Variants in CDKL3 observed in about 807,000 individuals in gnomAD.
The protein encoded by CDKL3 is cyclin dependent kinase like 3.
In CDKL3, 65 loss-of-function variants were observed where a neutral mutation model predicts 69.3. The observed-to-expected ratio is 0.94, with a 90% CI of 0.77 to 1.15. The LOEUF is 1.15. CDKL3 is among the 50% of genes most tolerant of loss of function. The pLI, the probability that CDKL3 is intolerant of heterozygous loss-of-function variation, is 0.00. For missense variants in CDKL3, 652 were observed against 689.2 expected, an observed-to-expected ratio of 0.95 and a Z score of 0.61; for synonymous variants, 202 against 221.6, an observed-to-expected ratio of 0.91 and a Z score of 0.79.
chr5:134,334,187 G>T (rs1776487758), intron 4 of CDKL3, among the ~76,000 whole-genome samples: 1 of 151,960 alleles, frequency 6.6e-6, no homozygotes, highest in African/African-American at 2.4e-5. Flanking sequence ...GCATCTATTT[G>T]ATTCTTCTCT....
chr5:134,326,807 A>ATG (rs1774332332), intron 4 of CDKL3, among the ~76,000 whole-genome samples: 3 of 123,372 alleles, frequency 2.4e-5, no homozygotes, highest in Admixed American at 1.9e-4. Context: ...GTATATATAT[A>ATG]TATGTGTGTG....
Position 134,298,484 on chromosome 5 carries a change from A to C in CDKL3, c.*167T>G. Reference sequence around the variant, plus strand: ...AAATTATCACATCAACAGAGTCTTAAAAGGGAAAAGAAAACAGTAAATGTT... The same window carrying C: ...AAATTATCACATCAACAGAGTCTTACAAGGGAAAAGAAAACAGTAAATGTT... On this transcript the variant is annotated 3_prime_UTR_variant, in exon 13 of 13. Coordinates refer to ENST00000265334, the MANE Select transcript of CDKL3 (RefSeq NM_001113575.2). 1 of 1,409,220 alleles carries C rather than the reference A, an allele frequency of 7.1e-7. No homozygotes were observed. Among genetic ancestry groups the C allele is most frequent in the Non-Finnish European group, 9.2e-7 (1 of 1,086,980 alleles). 87.3% of individuals were successfully genotyped at this position (1,409,220 alleles called of 1,614,324 possible). A position where few individuals can be genotyped will look rare whatever the true frequency, so the allele number is the denominator to read the frequency against.
At chr5:134,311,432 G>A (rs887509239) in intron 7 of CDKL3, among the ~76,000 whole-genome samples, 4 of 152,048 alleles carry the variant, frequency 2.6e-5, no homozygotes, top group African/African-American at 9.7e-5. Context: ...TTGAACCCGG[G>A]AGATGGAGGT....
Position 134,308,191 on chromosome 5 carries a change from G to C in CDKL3, c.1311C>G (p.Asn437Lys), listed in dbSNP as rs766434934. ...TGAGATTTGCAGCCATCAAATTACTGTTAGTTAGATTGATGGGTGGCATTG... is the reference window on the plus strand; with the variant it reads ...TGAGATTTGCAGCCATCAAATTACTCTTAGTTAGATTGATGGGTGGCATTG... ...SVTMPPINLT[N>K]SNLMAANLSS... is the part of the protein sequence containing the mutation. The change falls in exon 9 of 13, where the codon AAC becomes AAG. Residue 437 changes from asparagine to lysine, a missense_variant. Asn to Lys is a moderately conservative substitution (Grantham distance 94, BLOSUM62 0). Transcript: ENST00000265334. 5.6e-6 allele frequency: 9 copies of C among 1,613,842 alleles called. No individual in the cohort carries two copies. The Admixed American group carries it at 8.3e-5, about 15-fold the overall frequency.
intron 12 of CDKL3, chr5:134,299,701 T>G: frequency 2.0e-6 from 3 of 1,534,710 alleles, no homozygotes. Flanking sequence ...CATTTTCTAC[T>G]CTACATCTGG....
upstream of CDKL3, among the ~76,000 whole-genome samples, chr5:134,368,769 G>C (rs986517330): frequency 6.6e-6 from 1 of 152,000 alleles, no homozygotes. Context: ...AGGAGGCTGC[G>C]CACAGTGGCT....
chr5:134,340,844 A>G (rs1204552268), intron 4 of CDKL3, among the ~76,000 whole-genome samples: 1 of 152,208 alleles, frequency 6.6e-6, no homozygotes, highest in African/African-American at 2.4e-5. Context: ...AACACATCCC[A>G]TCTCATTTTT....
chr5:134,308,608 G>A lies in CDKL3; in HGVS notation c.1001C>T (p.Thr334Ile). ...LRKDERKTVY[T>I]NTLLSSSVLG... ...AACTGAACTACTTAGCAGTGTATTG[G>A]TATAAACTGTTTTTCTTTCATCTTT... The change falls in exon 8 of 13, where the codon ACC becomes ATC. Residue 334 changes from threonine to isoleucine, a missense_variant. Transcript: ENST00000265334. 1.2e-6 allele frequency: 2 copies of A among 1,605,400 alleles called. No individual in the cohort carries two copies. The highest frequency in any genetic ancestry group is 1.7e-6 in the Non-Finnish European group (2 of 1,177,732).
chr5:134,319,376 C>T lies in CDKL3; in HGVS notation c.774G>A (p.Leu258=), dbSNP rs373913998. 1.8e-3 allele frequency: 2,791 copies of T among 1,516,730 alleles called. 7 individuals carry two copies. Among genetic ancestry groups the T allele is most frequent in the Middle Eastern group, 2.2e-3 (13 of 5,870 alleles). 94.0% of individuals were successfully genotyped at this position (1,516,730 alleles called of 1,614,324 possible). A position where few individuals can be genotyped will look rare whatever the true frequency, so the allele number is the denominator to read the frequency against. ...ARKKYPKLNG[L]LADIVHACLQ... is the part of the protein sequence containing the mutation. Reference sequence around the variant, plus strand: ...AACATACATGAACTATATCTGCCAACAATCCATTAAGCTTTGGATATTTTT... The same window carrying T: ...AACATACATGAACTATATCTGCCAATAATCCATTAAGCTTTGGATATTTTT... Residue 258 remains leucine (L), a synonymous_variant, in exon 6 of 13, where the codon TTG becomes TTA. Coordinates refer to ENST00000265334, the MANE Select transcript of CDKL3 (RefSeq NM_001113575.2).
intron 4 of CDKL3, among the ~76,000 whole-genome samples, chr5:134,344,598 A>G (rs1376501837): frequency 6.6e-6 from 1 of 152,202 alleles, no homozygotes; most frequent in African/African-American, 2.4e-5. Flanking sequence ...CCACAATGAG[A>G]TACCACTTCA....
intron 4 of CDKL3, among the ~76,000 whole-genome samples, chr5:134,325,863 A>G (rs1218819352): frequency 6.7e-6 from 1 of 150,078 alleles, no homozygotes. Flanking sequence ...TCCCAGGTTC[A>G]TGCCATTCTC....
At chr5:134,335,458 T>C (rs1297663944) in intron 4 of CDKL3, among the ~76,000 whole-genome samples, 1 of 152,204 alleles carries the variant, frequency 6.6e-6, no homozygotes, top group Non-Finnish European at 1.5e-5. Context: ...CAGTGGCTGG[T>C]ACCATTTGTT....
chr5:134,323,504 G>C (rs754172090), intron 4 of CDKL3, among the ~76,000 whole-genome samples: 5 of 152,066 alleles, frequency 3.3e-5, no homozygotes, highest in Non-Finnish European at 7.4e-5. Context: ...GTATGGTATT[G>C]GTGAAAGAAT....
At chr5:134,298,865 T>C (rs1300471939) in intron 12 of CDKL3, among the ~76,000 whole-genome samples, 155 bp from the exon 13 acceptor site, 1 of 152,148 alleles carries the variant, frequency 6.6e-6, no homozygotes, top group Non-Finnish European at 1.5e-5. Context: ...CTTGCTCAAC[T>C]TCCATCTTTT....
rs556763656 is a variant in CDKL3, at chr5:134,305,179, C to T, written c.1459-612G>A. ...TGTCCAGGCTGAAATACAGTGGCGC[C>T]ATTACGGCTGCAGCCTCAACCTCTT... On this transcript the variant is annotated intron_variant, in intron 10 of 12. Transcript: ENST00000265334. Among the ~76,000 whole-genome samples, 10 of 152,048 alleles carry T rather than the reference C, an allele frequency of 6.6e-5. No individual in the cohort carries two copies. The East Asian group carries it at 1.5e-3, about 24-fold the overall frequency.
rs551239538 is a variant in CDKL3 at position 134,320,407 on chromosome 5, G to A, written c.653-910C>T. On this transcript the variant is annotated intron_variant, in intron 5 of 12. Coordinates refer to ENST00000265334, the MANE Select transcript of CDKL3 (RefSeq NM_001113575.2). The stretch of plus-strand genomic sequence containing the variant: ...GAGTCGGGCAACATGGCAAAACCGC[G>A]GCTGCACTAAAAACGCAAAAATTAG... 1.4e-4 allele frequency among the ~76,000 whole-genome samples: 21 copies of A among 151,624 alleles called. No individual in the cohort carries two copies. In the East Asian group the frequency reaches 2.9e-3, roughly 21 times the overall value.
chr5:134,357,840 GGGTCTC>G (rs1755000335), intron 3 of CDKL3, among the ~76,000 whole-genome samples: 1 of 152,108 alleles, frequency 6.6e-6, no homozygotes, highest in African/African-American at 2.4e-5. Flanking sequence ...TGATCTCTCT[GGGTCTC>G]TATCTACTCA....
At chr5:134,304,376 A>G (rs1327098744) in intron 11 of CDKL3, 29 bp downstream of exon 11, 2 of 1,519,988 alleles carry the variant, frequency 1.3e-6, no homozygotes, top group Non-Finnish European at 8.9e-7. Flanking sequence ...ATATCATCAT[A>G]ATTGTAAAGC....
chr5:134,366,181 C>T (rs1025836089), intron 2 of CDKL3, among the ~76,000 whole-genome samples, 178 bp downstream of exon 2: 6 of 152,070 alleles, frequency 3.9e-5, no homozygotes, highest in African/African-American at 1.4e-4. Flanking sequence ...TTGTTACATA[C>T]CCCAAAACAC....
Sources: allele counts gnomAD v4.1 joint callset (sites outside exome capture counted in the v4.1 genomes callset), GRCh38; gene constraint gnomAD v4.1.1; transcripts MANE v1.5; gene names NCBI Gene and HGNC (gene_info 2026-07-23, HGNC 2026-07-21).